Variants in CNTN5 observed in about 807,000 individuals in gnomAD.
CNTN5 encodes the protein contactin-5.
A neutral mutation model predicts 129.1 loss-of-function variants in CNTN5; 77 were observed. The ratio of observed to expected loss-of-function variants is 0.60; its 90% CI spans 0.50 to 0.72. The LOEUF (loss-of-function observed/expected upper bound fraction) is 0.72, where lower values mean the gene tolerates loss of function less well. Among genes scored for constraint, CNTN5 ranks in the 30% least tolerant of loss-of-function variants. The pLI is 0.00. For synonymous variants in CNTN5, 509 were observed against 465.6 expected (o/e 1.09, Z -1.20); for missense variants, 1,478 against 1,328.8 (o/e 1.11, Z -1.75).
At chr11:99,097,993 A>C (rs1192941720) in intron 1 of CNTN5, among the ~76,000 whole-genome samples, 2 of 152,150 alleles carry the variant, frequency 1.3e-5, no homozygotes, top group East Asian at 1.9e-4. Context: ...GCGAAAAAAA[A>C]CTAAATTTTA....
At chr11:100,095,720 C>A (rs527569544) in intron 13 of CNTN5, among the ~76,000 whole-genome samples, 50 of 152,186 alleles carry the variant, frequency 3.3e-4, no homozygotes, top group African/African-American at 1.2e-3. Context: ...TGGTCTTAGG[C>A]AAGATCTACA....
chr11:100,166,990 A>G (rs1256254586), intron 13 of CNTN5, among the ~76,000 whole-genome samples: 4 of 151,826 alleles, frequency 2.6e-5, no homozygotes, highest in Non-Finnish European at 5.9e-5. Context: ...AAAATGGGGC[A>G]GAAGAAGACT....
chr11:99,247,720 T>C (rs1444707420), intron 1 of CNTN5, among the ~76,000 whole-genome samples: 2 of 152,146 alleles, frequency 1.3e-5, no homozygotes, highest in Non-Finnish European at 2.9e-5. Context: ...TGTTTGGTTT[T>C]TTGTCCTTGT....
At chr11:99,341,156 G>C (rs1332549521) in intron 2 of CNTN5, among the ~76,000 whole-genome samples, 2 of 152,046 alleles carry the variant, frequency 1.3e-5, no homozygotes, top group African/African-American at 4.8e-5. Flanking sequence ...TGGAAGAGAG[G>C]CTTCTCTATG....
chr11:99,995,730 C>A (rs1478613613), intron 8 of CNTN5, among the ~76,000 whole-genome samples: 1 of 152,188 alleles, frequency 6.6e-6, no homozygotes, highest in Non-Finnish European at 1.5e-5. Flanking sequence ...TGTGCCAAAT[C>A]ATGGCTGTTT....
intron 1 of CNTN5, among the ~76,000 whole-genome samples, chr11:99,058,280 G>A (rs1864719708): frequency 6.6e-6 from 1 of 151,956 alleles, no homozygotes; most frequent in Non-Finnish European, 1.5e-5. Flanking sequence ...CTATTAGGCA[G>A]CTAAGAGGCT....
At chr11:99,239,794 G>T (rs914416619) in intron 1 of CNTN5, among the ~76,000 whole-genome samples, 4 of 152,062 alleles carry the variant, frequency 2.6e-5, no homozygotes, top group Non-Finnish European at 5.9e-5. Context: ...AAATTTAGCC[G>T]GGCGTGGTGG....
chr11:99,752,781 G>A lies in CNTN5; in HGVS notation c.56-66763G>A, dbSNP rs1238569737. On this transcript the variant is annotated intron_variant, in intron 3 of 24. Coordinates refer to ENST00000524871, the MANE Select transcript of CNTN5 (RefSeq NM_014361.4). ...TTAGAATTTTTGAAAAGCATTATCC[G>A]GTAGAAAAAAGTAACTGCTTTATTT... is the stretch of plus-strand genomic sequence containing the variant. Among the ~76,000 whole-genome samples the A allele has an allele frequency of 3.9e-5, 6 of 152,200 alleles. No homozygotes were observed. In the East Asian group the frequency reaches 7.7e-4, roughly 20 times the overall value.
chr11:99,310,092 T>G (rs2135966642), intron 1 of CNTN5, among the ~76,000 whole-genome samples: 1 of 152,254 alleles, frequency 6.6e-6, no homozygotes, highest in South Asian at 2.1e-4. Flanking sequence ...CAGGTATAAT[T>G]AAATGCAAAA....
At chr11:99,862,502 C>T (rs1948238574) in intron 6 of CNTN5, among the ~76,000 whole-genome samples, 1 of 151,886 alleles carries the variant, frequency 6.6e-6, no homozygotes, top group Non-Finnish European at 1.5e-5. Flanking sequence ...CAGTATTGTA[C>T]AAAGGAGTAG....
intron 6 of CNTN5, among the ~76,000 whole-genome samples, chr11:99,867,893 AT>A (rs1183204941): frequency 6.6e-6 from 1 of 152,166 alleles, no homozygotes; most frequent in Non-Finnish European, 1.5e-5. Context: ...CAGATATGGT[AT>A]ACAAGAGACA....
At chr11:100,159,813 C>T (rs796605584) in intron 13 of CNTN5, among the ~76,000 whole-genome samples, 3 of 151,732 alleles carry the variant, frequency 2.0e-5, no homozygotes, top group South Asian at 2.1e-4. Context: ...TTCAAAAGAC[C>T]TCCAAAATAG....
chr11:99,936,948 T>G (rs1424288376), intron 7 of CNTN5, among the ~76,000 whole-genome samples: 2 of 152,120 alleles, frequency 1.3e-5, no homozygotes, highest in Non-Finnish European at 2.9e-5. Context: ...ACAACCATGA[T>G]ATCGATGGAG....
intron 3 of CNTN5, among the ~76,000 whole-genome samples, chr11:99,685,306 T>G (rs1953741922): frequency 6.6e-6 from 1 of 151,854 alleles, no homozygotes; most frequent in African/African-American, 2.4e-5. Context: ...GTAAATAATG[T>G]GTTTACTATT....
chr11:99,143,404 TATATC>T (rs1859626161), intron 1 of CNTN5, among the ~76,000 whole-genome samples: 1 of 149,366 alleles, frequency 6.7e-6, no homozygotes, highest in Non-Finnish European at 1.5e-5. Context: ...AAATATTAAA[TATATC>T]ATATATAAAC....
At chr11:99,845,529 C>T (rs1947662819) in intron 6 of CNTN5, among the ~76,000 whole-genome samples, 2 of 151,684 alleles carry the variant, frequency 1.3e-5, no homozygotes, top group Non-Finnish European at 1.5e-5. Flanking sequence ...CCCGCCACTA[C>T]GCCCGGCTAA....
chr11:99,134,833 A>C lies in CNTN5; in HGVS notation c.-210+113563A>C, dbSNP rs1482722527. 5.3e-5 allele frequency among the ~76,000 whole-genome samples: 8 copies of C among 152,326 alleles called. No homozygotes were observed. In the East Asian group the frequency reaches 9.7e-4, roughly 18 times the overall value. On this transcript the variant is annotated intron_variant, in intron 1 of 24. Coordinates refer to ENST00000524871, the MANE Select transcript of CNTN5 (RefSeq NM_014361.4). The stretch of plus-strand genomic sequence containing the variant: ...TAATTAGGATCAGATTTCTAATGAC[A>C]TGTGAATGATTATGCAATGTACTAG...
At chr11:99,133,747 T>C in intron 1 of CNTN5, among the ~76,000 whole-genome samples, 1 of 152,010 alleles carries the variant, frequency 6.6e-6, no homozygotes, top group East Asian at 1.9e-4. Flanking sequence ...TATTAAAAAG[T>C]CAAGAAACAA....
chr11:100,009,248 A>G (rs371722313), intron 9 of CNTN5, among the ~76,000 whole-genome samples: 27 of 152,230 alleles, frequency 1.8e-4, no homozygotes, highest in African/African-American at 6.0e-4. Flanking sequence ...GCAGAACTCA[A>G]CAAGAGTGTA....
Sources: gnomAD v4.1 joint callset for allele counts (sites outside exome capture counted in the v4.1 genomes callset) on GRCh38, gnomAD v4.1.1 for gene constraint, MANE v1.5 for transcripts, NCBI Gene and HGNC (gene_info 2026-07-23, HGNC 2026-07-21) for gene names.